The following ANKRD29 variants were observed in gnomAD, a reference collection of about 807,000 sequenced individuals.
ANKRD29 encodes the protein ankyrin repeat domain 29.
In ANKRD29, 32 loss-of-function variants were observed where a neutral mutation model predicts 38.0. The observed-to-expected ratio is 0.84, with a 90% CI of 0.64 to 1.13. ANKRD29 has a LOEUF of 1.13. ANKRD29 is among the 50% of genes most tolerant of loss of function. The pLI, the probability that ANKRD29 is intolerant of heterozygous loss-of-function variation, is 0.00. For synonymous variants in ANKRD29, 135 were observed against 152.4 expected (o/e 0.89, Z 0.84); for missense variants, 357 against 377.9 (o/e 0.94, Z 0.46).
At chr18:23,617,859 A>G in intron 7 of ANKRD29, 32 bp from the exon 8 acceptor site, 2 of 1,570,594 alleles carry the variant, frequency 1.3e-6, no homozygotes, top group Non-Finnish European at 1.8e-6. Context: ...AAAGTTGATT[A>G]TTAACATATA....
chr18:23,615,584 A>T (rs976554511), intron 8 of ANKRD29, among the ~76,000 whole-genome samples: 2 of 151,468 alleles, frequency 1.3e-5, no homozygotes, highest in Admixed American at 1.3e-4. Flanking sequence ...AATTTTAAAA[A>T]CATTTTTTGT....
chr18:23,655,003 TATG>T (rs2060260714), intron 1 of ANKRD29, among the ~76,000 whole-genome samples: 2 of 152,360 alleles, frequency 1.3e-5, no homozygotes, highest in East Asian at 3.9e-4. Flanking sequence ...AATGAATTTC[TATG>T]ATATTAGAGG....
At chr18:23,610,915 A>G (rs896211088) in intron 9 of ANKRD29, among the ~76,000 whole-genome samples, 4 of 152,212 alleles carry the variant, frequency 2.6e-5, no homozygotes, top group Admixed American at 6.5e-5. Flanking sequence ...CCTGGGCTCA[A>G]GCAATCTACC....
Position 23,649,544 on chromosome 18 carries a change from T to C in ANKRD29, c.22-351A>G, listed in dbSNP as rs946866256. 1.6e-5 allele frequency: 8 copies of C among 507,860 alleles called. 1 individual carries two copies. Among genetic ancestry groups the C allele is most frequent in the Non-Finnish European group, 3.1e-5 (8 of 261,526 alleles). 31.5% of individuals were successfully genotyped at this position (507,860 alleles called of 1,614,324 possible). Reference sequence around the variant, plus strand: ...CCATCCTTCAAGGCCAAGGCTCTGCTCGAATGCTATTTCCTCCCAGAAACA... The same window carrying C: ...CCATCCTTCAAGGCCAAGGCTCTGCCCGAATGCTATTTCCTCCCAGAAACA... On this transcript the variant is annotated intron_variant, in intron 1 of 9. Transcript: ENST00000592179.
intron 9 of ANKRD29, among the ~76,000 whole-genome samples, chr18:23,608,934 C>T (rs1358476645): frequency 6.6e-6 from 1 of 152,104 alleles, no homozygotes; most frequent in Non-Finnish European, 1.5e-5. Flanking sequence ...AACCCTGTTT[C>T]TACTAAAAGT....
chr18:23,634,165 G>C lies in ANKRD29; in HGVS notation c.331-16C>G, dbSNP rs761890628. The C allele has an allele frequency of 4.4e-6, 7 of 1,603,858 alleles. No homozygotes were observed. The highest frequency in any genetic ancestry group is 6.0e-6 in the Non-Finnish European group (7 of 1,173,092). On this transcript the variant is annotated splice_polypyrimidine_tract_variant and intron_variant, in intron 4 of 9. Transcript: ENST00000592179. ...TGCCCCCGTCCTATGGACATGCAAA[G>C]TATAAACACATTAGAGGTGGCGCAG...
intron 6 of ANKRD29, 141 bp downstream of exon 6, chr18:23,629,712 T>G: frequency 1.5e-6 from 1 of 675,576 alleles, no homozygotes; most frequent in Non-Finnish European, 2.5e-6. Flanking sequence ...AATCAAAGAT[T>G]AACTTTTCAT....
chr18:23,639,068 T>C (rs2060039604), intron 3 of ANKRD29, 121 bp from the exon 4 acceptor site: 6 of 664,004 alleles, frequency 9.0e-6, no homozygotes, highest in Admixed American at 7.2e-5. Context: ...AGGAAGGGGC[T>C]AAATTTGAAC....
At chr18:23,615,579 T>G (rs111495761) in intron 8 of ANKRD29, among the ~76,000 whole-genome samples, 5,804 of 152,012 alleles carry the variant, frequency 0.038, 180 homozygotes, top group South Asian at 0.13. Context: ...CAGTTAATTT[T>G]AAAAACATTT....
intron 1 of ANKRD29, among the ~76,000 whole-genome samples, chr18:23,659,418 G>A (rs2060326540): frequency 6.6e-6 from 1 of 152,182 alleles, no homozygotes; most frequent in Admixed American, 6.5e-5. Flanking sequence ...ATTCCTAGTA[G>A]TGAAATTGCT....
chr18:23,644,951 T>C (rs2060119863), intron 3 of ANKRD29, among the ~76,000 whole-genome samples: 1 of 152,250 alleles, frequency 6.6e-6, no homozygotes, highest in African/African-American at 2.4e-5. Flanking sequence ...GACACAGTCC[T>C]GAGACCTGAT....
chr18:23,646,326 C>T (rs1269355104), intron 2 of ANKRD29, 39 bp from the exon 3 acceptor site: 8 of 1,574,668 alleles, frequency 5.1e-6, no homozygotes, highest in Non-Finnish European at 6.1e-6. Context: ...TAGGCCACTG[C>T]TATGTCAGAG....
intron 9 of ANKRD29, among the ~76,000 whole-genome samples, chr18:23,607,078 A>T (rs1332769425): frequency 1.3e-5 from 2 of 151,986 alleles, no homozygotes; most frequent in Admixed American, 1.3e-4. Flanking sequence ...CTGCCCCCTG[A>T]CCTCTATCTG....
At chr18:23,636,812 G>A (rs575767421) in intron 4 of ANKRD29, among the ~76,000 whole-genome samples, 4 of 152,112 alleles carry the variant, frequency 2.6e-5, no homozygotes, top group Admixed American at 6.5e-5. Context: ...GGGCTCAAGC[G>A]ATCTGCCTGC....
chr18:23,630,207 C>T (rs2059912503), intron 5 of ANKRD29, among the ~76,000 whole-genome samples: 2 of 152,006 alleles, frequency 1.3e-5, no homozygotes, highest in South Asian at 4.1e-4. Context: ...GGTGGATCAC[C>T]TGACATCCGG....
chr18:23,643,896 G>A (rs1453572984), intron 3 of ANKRD29, among the ~76,000 whole-genome samples: 7 of 152,226 alleles, frequency 4.6e-5, no homozygotes, highest in African/African-American at 9.6e-5. Flanking sequence ...CAAGGCAGAA[G>A]TCTGCCATAG....
rs759908824 is a variant in ANKRD29 at position 23,634,042 on chromosome 18, T to C, written c.429+9A>G. The C allele has an allele frequency of 1.9e-6, 3 of 1,613,922 alleles. 1 individual carries two copies. The South Asian group carries it at 3.3e-5, about 18-fold the overall frequency. ...GAAATGTCCTAATGTCCCCCTGAAA[T>C]GCACTCACATAAAGTTGGTCATGGA... On this transcript the variant is annotated intron_variant, in intron 5 of 9. Coordinates refer to ENST00000592179, the MANE Select transcript of ANKRD29 (RefSeq NM_173505.4).
intron 6 of ANKRD29, 25 bp from the exon 7 acceptor site, chr18:23,619,654 G>A (rs910385321): frequency 1.1e-5 from 17 of 1,529,912 alleles, no homozygotes; most frequent in South Asian, 3.7e-5. Context: ...GGCGGCGGCC[G>A]CCGTGACTGG....
At chr18:23,646,438 A>G (rs762495156) in intron 2 of ANKRD29, 151 bp from the exon 3 acceptor site, 2 of 559,560 alleles carry the variant, frequency 3.6e-6, no homozygotes, top group South Asian at 5.0e-5. Context: ...GAATAATCTC[A>G]TCATGCAGCC....
Sources: gnomAD v4.1 joint callset for allele counts (sites outside exome capture counted in the v4.1 genomes callset) on GRCh38, gnomAD v4.1.1 for gene constraint, MANE v1.5 for transcripts, NCBI Gene and HGNC (gene_info 2026-07-23, HGNC 2026-07-21) for gene names.